The following PHF14 variants were observed in gnomAD, a reference collection of about 807,000 sequenced individuals.
The protein encoded by PHF14 is PHD finger protein 14.
PHF14 carries 55 observed loss-of-function variants against 117.9 expected under a neutral mutation model. The observed-to-expected ratio is 0.47, with a 90% CI of 0.38 to 0.58. The LOEUF is 0.58. Ranked by LOEUF, PHF14 falls within the 20% of genes least tolerant of loss-of-function variation. PHF14 has a pLI of 0.00. For synonymous variants in PHF14, 409 were observed against 368.6 expected (o/e 1.11, Z -1.26); for missense variants, 978 against 1,122.2 (o/e 0.87, Z 1.84).
intron 4 of PHF14, 144 bp from the exon 5 acceptor site, chr7:11,013,603 T>C (rs1359649017): frequency 4.7e-5 from 23 of 493,262 alleles, no homozygotes; most frequent in South Asian, 1.7e-4. Flanking sequence ...AATGAGTTTA[T>C]TTCTGTATTT....
At chr7:11,025,970 G>C (rs1233727707) in intron 6 of PHF14, among the ~76,000 whole-genome samples, 1 of 151,910 alleles carries the variant, frequency 6.6e-6, no homozygotes, top group Non-Finnish European at 1.5e-5. Context: ...AAATTAGCTG[G>C]GCGTGGTGGC....
intron 16 of PHF14, among the ~76,000 whole-genome samples, chr7:11,095,434 G>T (rs1375651236): frequency 6.6e-6 from 1 of 152,078 alleles, no homozygotes; most frequent in East Asian, 1.9e-4. Flanking sequence ...GATATGATGG[G>T]TCTTTATTCT....
chr7:11,145,604 G>A (rs1327774135), intron 17 of PHF14, among the ~76,000 whole-genome samples: 1 of 151,846 alleles, frequency 6.6e-6, no homozygotes, highest in Non-Finnish European at 1.5e-5. Flanking sequence ...CCCTAAAGCA[G>A]CAATTCAATA....
chr7:11,128,555 G>A (rs1056008065), intron 17 of PHF14, among the ~76,000 whole-genome samples: 4 of 151,558 alleles, frequency 2.6e-5, no homozygotes, highest in African/African-American at 9.7e-5. Flanking sequence ...AAATTTCCAG[G>A]TCAGAAAATC....
chr7:11,009,285 C>A (rs1054306960), intron 4 of PHF14, among the ~76,000 whole-genome samples: 3 of 152,136 alleles, frequency 2.0e-5, no homozygotes, highest in Non-Finnish European at 1.5e-5. Context: ...CCACTGGCCC[C>A]TGTGTGAAAA....
At chr7:10,980,214 C>T (rs569999472) in intron 2 of PHF14, among the ~76,000 whole-genome samples, 3 of 152,138 alleles carry the variant, frequency 2.0e-5, no homozygotes, top group South Asian at 4.2e-4. Context: ...TTGCGTCTAT[C>T]GTGAAGTTTT....
At chr7:11,053,341 T>A (rs1343465929) in intron 14 of PHF14, among the ~76,000 whole-genome samples, 1 of 152,096 alleles carries the variant, frequency 6.6e-6, no homozygotes, top group Non-Finnish European at 1.5e-5. Flanking sequence ...ACAGTTTATT[T>A]TGGGTGCTCT....
chr7:11,144,370 A>G (rs927896527), intron 17 of PHF14, among the ~76,000 whole-genome samples: 2 of 151,994 alleles, frequency 1.3e-5, no homozygotes, highest in Non-Finnish European at 2.9e-5. Context: ...CTGGGTATTT[A>G]TCTAAAGGAA....
At chr7:11,140,969 T>C (rs1480859296) in intron 17 of PHF14, among the ~76,000 whole-genome samples, 1 of 152,126 alleles carries the variant, frequency 6.6e-6, no homozygotes, top group African/African-American at 2.4e-5. Flanking sequence ...TCCTTTTTCA[T>C]GTCTGTTTCC....
At chr7:11,167,991 A>G (rs991959401) in intron 17 of PHF14, among the ~76,000 whole-genome samples, 6 of 148,142 alleles carry the variant, frequency 4.1e-5, no homozygotes, top group African/African-American at 1.3e-4. Context: ...GCGCCACTGC[A>G]CTCCAGCCTG....
In PHF14 at chr7:11,051,570, A is replaced by G. The variant is rs369358446; in HGVS notation, c.2313-42A>G. The G allele has an allele frequency of 7.2e-6, 11 of 1,521,350 alleles. No individual in the cohort carries two copies. In the African/African-American group the frequency reaches 1.2e-4, roughly 17 times the overall value. 94.2% of individuals were successfully genotyped at this position (1,521,350 alleles called of 1,614,324 possible). ...TAAAAACTATAGCTAAAGCCAGAAG[A>G]TAATAATAAATGCATGACTTAAATT... On this transcript the variant is annotated intron_variant, in intron 13 of 17. Coordinates refer to ENST00000634607, the MANE Select transcript of PHF14 (RefSeq NM_001007157.2).
intron 4 of PHF14, among the ~76,000 whole-genome samples, chr7:11,007,039 T>TTACA (rs879788932): frequency 8.6e-4 from 131 of 152,008 alleles, no homozygotes; most frequent in Non-Finnish European, 1.3e-3. Flanking sequence ...TTGCCAGGTG[T>TTACA]GGTAGTGGGC....
intron 17 of PHF14, among the ~76,000 whole-genome samples, chr7:11,113,853 G>A (rs924346736): frequency 6.6e-6 from 1 of 152,114 alleles, no homozygotes; most frequent in Non-Finnish European, 1.5e-5. Flanking sequence ...AGTGAATGCT[G>A]CAGAAGCTTT....
chr7:11,080,707 C>T (rs1364613208), intron 16 of PHF14, among the ~76,000 whole-genome samples: 1 of 152,134 alleles, frequency 6.6e-6, no homozygotes, highest in African/African-American at 2.4e-5. Flanking sequence ...TCAGGACATT[C>T]TGCAGTGCGG....
chr7:11,053,372 GT>G lies in PHF14; in HGVS notation c.2481+1597del, dbSNP rs1337150222. Among the ~76,000 whole-genome samples the G allele has an allele frequency of 1.3e-4, 20 of 152,068 alleles. No individual in the cohort carries two copies. In the East Asian group the frequency reaches 3.7e-3, roughly 28 times the overall value. On this transcript the variant is annotated intron_variant, in intron 14 of 17. Transcript: ENST00000634607. Reference sequence around the variant, plus strand: ...GCTCTAAGTAGATCAACTTGAAATAGTTTTTATTTGTAGTTTCAACTGTTTA... The same window carrying G: ...GCTCTAAGTAGATCAACTTGAAATAGTTTTATTTGTAGTTTCAACTGTTTA...
intron 16 of PHF14, among the ~76,000 whole-genome samples, chr7:11,081,381 G>T (rs1251400429): frequency 6.6e-6 from 1 of 152,264 alleles, no homozygotes; most frequent in African/African-American, 2.4e-5. Context: ...TCTTTATGGT[G>T]CTCATTATAA....
chr7:11,102,333 C>T (rs937146719), intron 16 of PHF14, among the ~76,000 whole-genome samples: 2 of 151,784 alleles, frequency 1.3e-5, no homozygotes, highest in South Asian at 2.1e-4. Context: ...TACACAAGAT[C>T]ATGGCATTTA....
At chr7:11,163,072 T>C (rs1044415978) in intron 17 of PHF14, among the ~76,000 whole-genome samples, 1 of 152,162 alleles carries the variant, frequency 6.6e-6, no homozygotes, top group Non-Finnish European at 1.5e-5. Context: ...AAATAATGAA[T>C]GAAATGTTGC....
At chr7:10,995,292 C>T (rs1486562550) in intron 4 of PHF14, among the ~76,000 whole-genome samples, 2 of 151,474 alleles carry the variant, frequency 1.3e-5, no homozygotes, top group East Asian at 3.9e-4. Flanking sequence ...TAAAGGTTCT[C>T]CAAGTCCCCA....
Sources: allele counts gnomAD v4.1 joint callset (sites outside exome capture counted in the v4.1 genomes callset), GRCh38; gene constraint gnomAD v4.1.1; transcripts MANE v1.5; gene names NCBI Gene and HGNC (gene_info 2026-07-23, HGNC 2026-07-21).